WDHD1: variants seen among roughly 807,000 people sequenced by gnomAD.
The protein encoded by WDHD1 is WD repeat and HMG-box DNA-binding protein 1.
Under a neutral mutation model 135.4 loss-of-function variants are expected in WDHD1, and 111 were observed. The observed-to-expected ratio is 0.82, with a 90% CI of 0.70 to 0.96. The LOEUF (loss-of-function observed/expected upper bound fraction) is 0.96, where lower values mean the gene tolerates loss of function less well. Among genes scored for constraint, WDHD1 ranks in the 40% least tolerant of loss-of-function variants. The pLI is 0.00. For synonymous variants in WDHD1, 434 were observed against 439.0 expected (o/e 0.99, Z 0.14); for missense variants, 1,351 against 1,336.3 (o/e 1.01, Z -0.17).
chr14:54,990,574 C>A (rs369874357), intron 12 of WDHD1, among the ~76,000 whole-genome samples: 3 of 141,538 alleles, frequency 2.1e-5, no homozygotes, highest in African/African-American at 7.9e-5. Context: ...CCAGCCTGGG[C>A]AACAGAGCGA....
At chr14:54,978,559 T>C (rs2041564148) in intron 16 of WDHD1, among the ~76,000 whole-genome samples, 1 of 151,748 alleles carries the variant, frequency 6.6e-6, no homozygotes, top group Non-Finnish European at 1.5e-5. Flanking sequence ...CACTCCAGCA[T>C]GGGCAAATGA....
intron 14 of WDHD1, 60 bp downstream of exon 14, chr14:54,987,086 C>A: frequency 6.3e-7 from 1 of 1,586,034 alleles, no homozygotes; most frequent in Non-Finnish European, 8.6e-7. Flanking sequence ...ACAAAAACAG[C>A]AAAAAAGCTC....
At chr14:54,947,419 A>G (rs1442184450) in intron 24 of WDHD1, among the ~76,000 whole-genome samples, 8 of 152,166 alleles carry the variant, frequency 5.3e-5, no homozygotes, top group African/African-American at 1.9e-4. Flanking sequence ...TTTAAGACCT[A>G]AATTAAATTC....
In WDHD1 at chr14:54,962,500, G is replaced by T; in HGVS notation, c.2699C>A (p.Ser900Ter). The T allele has an allele frequency of 3.1e-6, 5 of 1,607,528 alleles. No homozygotes were observed. The South Asian group carries it at 5.5e-5, about 18-fold the overall frequency. ...ACAAATTTATAAATATTTCTCACCT[G>T]ACTTAGCTGAAACATCAGAGGAATT... ...STNSSDVSAK[S>*]GAVTFSSQGR... The change falls in exon 21 of 26, where the codon TCA becomes TAA. Residue 900 changes from serine (S) to a stop codon, truncating the protein, a stop_gained and splice_region_variant. Transcript: ENST00000360586. LOFTEE classifies it high-confidence loss of function.
intron 21 of WDHD1, among the ~76,000 whole-genome samples, chr14:54,961,021 T>G (rs926343973): frequency 6.6e-6 from 1 of 152,092 alleles, no homozygotes; most frequent in Non-Finnish European, 1.5e-5. Context: ...CCAAGGCTGG[T>G]CTCAAACGTC....
At chr14:55,004,555 C>T (rs1416531612) in intron 7 of WDHD1, among the ~76,000 whole-genome samples, 1 of 152,138 alleles carries the variant, frequency 6.6e-6, no homozygotes, top group Non-Finnish European at 1.5e-5. Flanking sequence ...TGGGTTCAAG[C>T]AATTCTTATG....
intron 24 of WDHD1, among the ~76,000 whole-genome samples, chr14:54,947,598 T>C (rs2040950213): frequency 6.6e-6 from 1 of 152,086 alleles, no homozygotes; most frequent in African/African-American, 2.4e-5. Flanking sequence ...TTCTTTTCTT[T>C]TTGTTTTTTC....
intron 10 of WDHD1, among the ~76,000 whole-genome samples, chr14:54,997,277 G>GT (rs2041898264): frequency 6.6e-6 from 1 of 151,776 alleles, no homozygotes; most frequent in Admixed American, 6.6e-5. Context: ...TGTATTTTCA[G>GT]TAGAGACGGG....
chr14:54,991,158 T>C (rs2041779004), intron 12 of WDHD1, 55 bp downstream of exon 12: 1 of 968,778 alleles, frequency 1.0e-6, no homozygotes, highest in South Asian at 1.7e-5. Flanking sequence ...TTAACTATAG[T>C]AAGAAAAAAG....
intron 24 of WDHD1, among the ~76,000 whole-genome samples, chr14:54,954,383 G>T (rs2041116326): frequency 6.6e-6 from 1 of 152,142 alleles, no homozygotes; most frequent in Non-Finnish European, 1.5e-5. Context: ...TGAGCAAATA[G>T]GAATACTCAT....
chr14:54,991,271 G>A lies in WDHD1; in HGVS notation c.1283C>T (p.Pro428Leu), dbSNP rs1314131603. Residue 428 changes from proline (P) to leucine (L), a missense_variant, in exon 12 of 26, where the codon CCC becomes CTC. Transcript: ENST00000360586. ...RPFYDGPMPT[P>L]RQKPFQSGST... ...ACCTGACTGAAATGGCTTTTGCCGG[G>A]GAGTTGGCATGGGTCCATCATAAAA... The A allele has an allele frequency of 1.2e-6, 2 of 1,613,312 alleles. No individual in the cohort carries two copies. Among genetic ancestry groups the A allele is most frequent in the Non-Finnish European group, 1.7e-6 (2 of 1,179,332 alleles).
chr14:54,967,159 CT>C (rs2041358122), intron 17 of WDHD1, 120 bp downstream of exon 17: 4 of 800,464 alleles, frequency 5.0e-6, no homozygotes, highest in South Asian at 3.1e-5. Flanking sequence ...CCTGCTACCC[CT>C]ATTTATGTAA....
intron 2 of WDHD1, among the ~76,000 whole-genome samples, chr14:55,013,937 TA>T (rs1480628853): frequency 6.6e-6 from 1 of 152,130 alleles, no homozygotes; most frequent in Non-Finnish European, 1.5e-5. Context: ...TAGTTTCATA[TA>T]CATTAGTTTT....
chr14:54,949,097 C>T (rs867926265), intron 24 of WDHD1, among the ~76,000 whole-genome samples: 78 of 152,250 alleles, frequency 5.1e-4, no homozygotes, highest in Admixed American at 3.5e-3. Context: ...CAGAGCACCT[C>T]TCCCCCCCCA....
intron 24 of WDHD1, among the ~76,000 whole-genome samples, chr14:54,947,912 T>G (rs1357740101): frequency 6.6e-6 from 1 of 151,284 alleles, no homozygotes; most frequent in Non-Finnish European, 1.5e-5. Context: ...CTTTTCAAAT[T>G]TAACGGATAT....
chr14:54,968,445 G>A (rs1008920646), intron 16 of WDHD1, among the ~76,000 whole-genome samples: 1 of 151,006 alleles, frequency 6.6e-6, no homozygotes, highest in Non-Finnish European at 1.5e-5. Context: ...ATTGCATCTA[G>A]GGAAACTAGA....
chr14:55,026,502 C>T (rs1209087), intron 2 of WDHD1, among the ~76,000 whole-genome samples: 73,258 of 151,918 alleles, frequency 0.48, 19,571 homozygotes, highest in East Asian at 0.78. Flanking sequence ...TCCAACTCCT[C>T]TGGAAGTACG....
At chr14:54,966,355 C>CAAAA (rs371574367) in intron 18 of WDHD1, 120 bp downstream of exon 18, 9,419 of 1,192,238 alleles carry the variant, frequency 7.9e-3, no homozygotes, top group South Asian at 0.012. Context: ...ACAACAACAA[C>CAAAA]AAAAAAAAAC....
chr14:54,956,609 T>C (rs2041162870), intron 23 of WDHD1, among the ~76,000 whole-genome samples: 2 of 152,060 alleles, frequency 1.3e-5, no homozygotes, highest in African/African-American at 4.8e-5. Context: ...CTGCACTCCA[T>C]CCAGCCTGGG....
Sources: allele counts gnomAD v4.1 joint callset (sites outside exome capture counted in the v4.1 genomes callset), GRCh38; gene constraint gnomAD v4.1.1; transcripts MANE v1.5; gene names NCBI Gene and HGNC (gene_info 2026-07-23, HGNC 2026-07-21).